The following MYLIP variants were observed in gnomAD, a reference collection of about 807,000 sequenced individuals.
The protein encoded by MYLIP is myosin regulatory light chain interacting protein, also known as E3 ubiquitin-protein ligase MYLIP.
Under a neutral mutation model 45.8 loss-of-function variants are expected in MYLIP, and 26 were observed. The observed-to-expected ratio is 0.57, with a 90% CI of 0.42 to 0.79. MYLIP has a LOEUF of 0.79. Ranked by LOEUF, MYLIP falls within the 30% of genes least tolerant of loss-of-function variation. MYLIP has a pLI of 0.00. For synonymous variants in MYLIP, 213 were observed against 218.1 expected (o/e 0.98, Z 0.21); for missense variants, 494 against 555.6 (o/e 0.89, Z 1.11).
intron 2 of MYLIP, among the ~76,000 whole-genome samples, chr6:16,135,244 T>C (rs969532337): frequency 2.6e-5 from 4 of 152,322 alleles, no homozygotes; most frequent in Admixed American, 2.6e-4. Context: ...GTAGTTAACA[T>C]TTTCAGATTT....
chr6:16,160,763 C>T, the MYLIP span, among the ~76,000 whole-genome samples: 2 of 144,934 alleles, frequency 1.4e-5, no homozygotes, highest in Admixed American at 1.3e-4. Flanking sequence ...GATCATGCCA[C>T]TGCACTCCAG....
chr6:16,144,776 T>A, intron 5 of MYLIP, 121 bp from the exon 6 acceptor site: 1 of 1,143,622 alleles, frequency 8.7e-7, no homozygotes, highest in Non-Finnish European at 1.2e-6. Context: ...AGGACTTACT[T>A]TCATACATGC....
downstream of MYLIP, among the ~76,000 whole-genome samples, chr6:16,149,228 G>A (rs548235637): frequency 2.0e-5 from 3 of 152,308 alleles, no homozygotes; most frequent in South Asian, 2.1e-4. Flanking sequence ...TGCTAACCAA[G>A]TTGATGGAGG....
downstream of MYLIP, among the ~76,000 whole-genome samples, chr6:16,150,120 G>C (rs752613914): frequency 2.6e-5 from 4 of 152,206 alleles, no homozygotes; most frequent in Non-Finnish European, 5.9e-5. Flanking sequence ...ATGAAGCTGA[G>C]CATGCGTCCC....
chr6:16,129,214 T>G lies in MYLIP; in HGVS notation c.-109T>G. 1.7e-6 allele frequency: 2 copies of G among 1,209,548 alleles called. No homozygotes were observed. Among genetic ancestry groups the G allele is most frequent in the East Asian group, 2.6e-5 (1 of 38,240 alleles). 74.9% of individuals were successfully genotyped at this position (1,209,548 alleles called of 1,614,324 possible). On this transcript the variant is annotated 5_prime_UTR_variant, in exon 1 of 7. Transcript: ENST00000356840. The surrounding 1 kb of genome is among the most constrained non-coding windows in gnomAD (Gnocchi z 5.1). ...ACAAGGGTCCGCAGAGCTGCAGCCT[T>G]CGAGGGCCAGCCCTCTCCGAGTCCG...
Position 16,145,098 on chromosome 6 carries a change from C to T in MYLIP, c.1029C>T (p.Asn343=), listed in dbSNP as rs757600935. Residue 343 remains asparagine (N), a synonymous_variant, in exon 6 of 7, where the codon AAC becomes AAT. Transcript: ENST00000356840. ...AGVVDLVSRN[N]QSPSHSPLKS... The stretch of plus-strand genomic sequence containing the variant: ...TTGTGGACCTCGTTTCAAGAAACAA[C>T]CAGAGCCCTTCACACTCGCCTCTGA... 1.1e-5 allele frequency: 18 copies of T among 1,614,090 alleles called. No homozygotes were observed. The highest frequency in any genetic ancestry group is 3.3e-5 in the Admixed American group (2 of 60,004).
chr6:16,141,706 T>G lies in MYLIP; in HGVS notation c.360T>G (p.Ser120Arg). Residue 120 changes from serine (S) to arginine (R), a missense_variant, in exon 3 of 7, where the codon AGT becomes AGG. Ser to Arg is a moderately radical substitution (Grantham distance 110). Coordinates refer to ENST00000356840, the MANE Select transcript of MYLIP (RefSeq NM_013262.4). ...CCCCAGAGCAGGCAGTGGAACTCAGTGCCCTCCTGGCCCAGACCAAGTTTG... is the reference window on the plus strand; with the variant it reads ...CCCCAGAGCAGGCAGTGGAACTCAGGGCCCTCCTGGCCCAGACCAAGTTTG... ...LCSPEQAVELSALLAQTKFGD... is the reference protein window; with the variant it reads ...LCSPEQAVELRALLAQTKFGD... 1 of 1,614,190 alleles carries G rather than the reference T, an allele frequency of 6.2e-7. No individual in the cohort carries two copies. The highest frequency in any genetic ancestry group is 8.5e-7 in the Non-Finnish European group (1 of 1,180,012).
downstream of MYLIP, among the ~76,000 whole-genome samples, chr6:16,152,865 T>C (rs1403271920): frequency 1.3e-5 from 2 of 152,246 alleles, no homozygotes; most frequent in South Asian, 2.1e-4. Context: ...TGTAGCATAT[T>C]TGGGGACCAG....
chr6:16,133,042 G>A lies in MYLIP; in HGVS notation c.278+2295G>A, dbSNP rs140825012. Among the ~76,000 whole-genome samples, 79 of 152,302 alleles carry A rather than the reference G, an allele frequency of 5.2e-4. 1 individual carries two copies. In the East Asian group the frequency reaches 0.013, roughly 25 times the overall value. ...CAATTAAGGTAGCCAAGTTGGGAAG[G>A]GCAGTTAACTTATTAGTTCATATCA... is the stretch of plus-strand genomic sequence containing the variant. On this transcript the variant is annotated intron_variant, in intron 2 of 6. Transcript: ENST00000356840.
intron 2 of MYLIP, among the ~76,000 whole-genome samples, chr6:16,137,115 T>TA (rs1295471440): frequency 2.0e-5 from 3 of 152,228 alleles, no homozygotes; most frequent in Non-Finnish European, 4.4e-5. Context: ...AAGATACTCT[T>TA]AAGTTTTGTT....
At chr6:16,162,961 G>C in the MYLIP span, among the ~76,000 whole-genome samples, 1 of 151,962 alleles carries the variant, frequency 6.6e-6, no homozygotes, top group Admixed American at 6.6e-5. Context: ...CTGCTTTTCC[G>C]GCTTTTGGCA....
At chr6:16,141,584 G>A in intron 2 of MYLIP, 41 bp from the exon 3 acceptor site, 1 of 1,555,060 alleles carries the variant, frequency 6.4e-7, no homozygotes, top group South Asian at 1.2e-5. Flanking sequence ...TTGATGTCAG[G>A]TTATCCCCAA....
chr6:16,136,592 C>A (rs1309044702), intron 2 of MYLIP, among the ~76,000 whole-genome samples: 1 of 152,034 alleles, frequency 6.6e-6, no homozygotes, highest in African/African-American at 2.4e-5. Context: ...TAAATAAATA[C>A]CTAAGAGTGG....
At chr6:16,139,310 C>T (rs1759616447) in intron 2 of MYLIP, among the ~76,000 whole-genome samples, 1 of 151,912 alleles carries the variant, frequency 6.6e-6, no homozygotes, top group Non-Finnish European at 1.5e-5. Flanking sequence ...ATCGCTTGAA[C>T]CCAGGAGGCG....
At chr6:16,154,844 C>A in the MYLIP span, among the ~76,000 whole-genome samples, 6 of 152,190 alleles carry the variant, frequency 3.9e-5, 2 homozygotes, top group Middle Eastern at 0.02. Flanking sequence ...CATTTTACAG[C>A]AATATATGTG....
downstream of MYLIP, among the ~76,000 whole-genome samples, chr6:16,148,406 A>G (rs1302749548): frequency 6.6e-6 from 1 of 150,864 alleles, no homozygotes; most frequent in African/African-American, 2.4e-5. Flanking sequence ...AAACTTCTTT[A>G]GTAACAAACT....
At chr6:16,141,959 C>T in intron 3 of MYLIP, 149 bp downstream of exon 3, 1 of 678,032 alleles carries the variant, frequency 1.5e-6, no homozygotes, top group Non-Finnish European at 2.4e-6. Flanking sequence ...AGAAGTCATA[C>T]ATAATATACA....
At chr6:16,154,114 A>G in the MYLIP span, among the ~76,000 whole-genome samples, 1 of 151,996 alleles carries the variant, frequency 6.6e-6, no homozygotes, top group African/African-American at 2.4e-5. Context: ...TATCACCTCT[A>G]TGTTTGAAAG....
At chr6:16,140,181 A>G (rs1408587790) in intron 2 of MYLIP, among the ~76,000 whole-genome samples, 2 of 152,238 alleles carry the variant, frequency 1.3e-5, no homozygotes, top group East Asian at 3.8e-4. Context: ...TAATGTGGCA[A>G]TTAGCCTTGT....
Sources: allele counts gnomAD v4.1 joint callset (sites outside exome capture counted in the v4.1 genomes callset), GRCh38; gene constraint gnomAD v4.1.1; non-coding constraint Gnocchi (gnomAD v3.1); transcripts MANE v1.5; gene names NCBI Gene and HGNC (gene_info 2026-07-23, HGNC 2026-07-21).